The following PCNX2 variants were observed in gnomAD, a reference collection of about 807,000 sequenced individuals.
PCNX2 encodes pecanex-like protein 2.
A neutral mutation model predicts 223.8 loss-of-function variants in PCNX2; 168 were observed. That is an observed-to-expected ratio of 0.75 (90% CI 0.66 to 0.85). The LOEUF (loss-of-function observed/expected upper bound fraction) is 0.85, where lower values mean the gene tolerates loss of function less well. Among genes scored for constraint, PCNX2 ranks in the 40% least tolerant of loss-of-function variants. The pLI, the probability that PCNX2 is intolerant of heterozygous loss-of-function variation, is 0.00. For synonymous variants in PCNX2, 1,006 were observed against 1,052.6 expected, an observed-to-expected ratio of 0.96 and a Z score of 0.86; for missense variants, 2,507 against 2,675.5, an observed-to-expected ratio of 0.94 and a Z score of 1.39.
rs1282424546 is a variant in PCNX2, at chr1:233,295,307, C to CCGGA, written c.153+15_153+18dup. 14 of 1,571,582 alleles carry CCGGA rather than the reference C, an allele frequency of 8.9e-6. No homozygotes were observed. Among genetic ancestry groups the CCGGA allele is most frequent in the Non-Finnish European group, 1.2e-5 (14 of 1,158,340 alleles). On this transcript the variant is annotated intron_variant, in intron 1 of 33. Transcript: ENST00000258229. This position sits in a 1 kb window ranked among gnomAD's most constrained non-coding sequence, Gnocchi z 4.1. ...CCTCCATACCCACAGCTCCCCGGGA[C>CCGGA]CGGACCCTCCCCACTCACCAGGTGC... is the stretch of plus-strand genomic sequence containing the variant.
At chr1:233,075,630 T>C (rs1257704891) in intron 23 of PCNX2, among the ~76,000 whole-genome samples, 3 of 151,616 alleles carry the variant, frequency 2.0e-5, no homozygotes, top group African/African-American at 7.3e-5. Flanking sequence ...GGGAAACTGG[T>C]AAAGAATACA....
At chr1:233,318,990 C>A in the PCNX2 span, among the ~76,000 whole-genome samples, 1 of 152,132 alleles carries the variant, frequency 6.6e-6, no homozygotes, top group Non-Finnish European at 1.5e-5. Flanking sequence ...CACTGAATGT[C>A]CTGTGACCAG....
At chr1:232,985,133 A>G (rs1669423457) in intron 33 of PCNX2, 1 of 152,230 alleles carries the variant, frequency 6.6e-6, no homozygotes, top group South Asian at 2.1e-4. Flanking sequence ...AGGAAAGCCC[A>G]TAAATCTCCC....
At chr1:233,007,295 TC>T (rs1670317956) in intron 28 of PCNX2, among the ~76,000 whole-genome samples, 3 of 151,852 alleles carry the variant, frequency 2.0e-5, no homozygotes, top group African/African-American at 7.3e-5. Flanking sequence ...CTAAGCGCTT[TC>T]CATTCCATAG....
At chr1:233,107,993 C>T (rs1674895533) in intron 21 of PCNX2, among the ~76,000 whole-genome samples, 1 of 152,214 alleles carries the variant, frequency 6.6e-6, no homozygotes, top group African/African-American at 2.4e-5. Context: ...CTCACTGCTA[C>T]ACTCCCACCA....
intron 25 of PCNX2, among the ~76,000 whole-genome samples, chr1:233,053,463 A>G (rs986132718): frequency 6.6e-6 from 1 of 152,106 alleles, no homozygotes; most frequent in Non-Finnish European, 1.5e-5. Context: ...ACCTGCTCCA[A>G]GCTATAATAA....
Position 233,174,613 on chromosome 1 carries a change from C to T in PCNX2, c.3273+3189G>A, listed in dbSNP as rs533726400. 4.6e-5 allele frequency among the ~76,000 whole-genome samples: 7 copies of T among 151,924 alleles called. No individual in the cohort carries two copies. In the South Asian group the frequency reaches 1.4e-3, roughly 31 times the overall value. ...TTATAACCAATGATTTAGGAAAAGA[C>T]TGTTTGAATTTTACACATAAGAATT... On this transcript the variant is annotated intron_variant, in intron 17 of 33. Coordinates refer to ENST00000258229, the MANE Select transcript of PCNX2 (RefSeq NM_014801.4).
At chr1:233,153,912 A>C (rs190082808) in intron 19 of PCNX2, among the ~76,000 whole-genome samples, 1 of 152,320 alleles carries the variant, frequency 6.6e-6, no homozygotes, top group East Asian at 1.9e-4. Flanking sequence ...CATGTGCATC[A>C]CATAGAAACT....
the PCNX2 span, among the ~76,000 whole-genome samples, chr1:233,309,948 A>G: frequency 6.6e-6 from 1 of 152,160 alleles, no homozygotes; most frequent in African/African-American, 2.4e-5. Flanking sequence ...GAAGGATTCA[A>G]TTCTCCTTTT....
chr1:233,321,368 G>T, the PCNX2 span, among the ~76,000 whole-genome samples: 1 of 152,054 alleles, frequency 6.6e-6, no homozygotes, highest in East Asian at 1.9e-4. Context: ...CATGATCTCG[G>T]CCCACTGCAA....
chr1:233,074,731 G>C (rs1673018902), intron 23 of PCNX2, among the ~76,000 whole-genome samples: 1 of 149,442 alleles, frequency 6.7e-6, no homozygotes, highest in Non-Finnish European at 1.5e-5. Flanking sequence ...TTCAACAGTA[G>C]AAAAAAAGTC....
At chr1:233,240,097 T>C (rs1177911188) in intron 8 of PCNX2, among the ~76,000 whole-genome samples, 1 of 152,134 alleles carries the variant, frequency 6.6e-6, no homozygotes. Context: ...CAGGAGGAAA[T>C]GGTTACATGC....
At chr1:233,260,477 C>T (rs1194826799) in intron 4 of PCNX2, among the ~76,000 whole-genome samples, 1 of 151,956 alleles carries the variant, frequency 6.6e-6, no homozygotes, top group African/African-American at 2.4e-5. Context: ...TGAAGCTGTA[C>T]GTGCAACTAA....
At chr1:232,989,972 A>C (rs759356493) in intron 32 of PCNX2, among the ~76,000 whole-genome samples, 1 of 152,222 alleles carries the variant, frequency 6.6e-6, no homozygotes, top group Non-Finnish European at 1.5e-5. Flanking sequence ...AAGATCTGGG[A>C]TCAGGGAATG....
intron 21 of PCNX2, among the ~76,000 whole-genome samples, chr1:233,119,551 C>G (rs1362925812): frequency 6.7e-6 from 1 of 148,824 alleles, no homozygotes; most frequent in Non-Finnish European, 1.5e-5. Flanking sequence ...CGCCACTGCA[C>G]TCCAGCCTGG....
intron 23 of PCNX2, among the ~76,000 whole-genome samples, chr1:233,077,232 G>A (rs1379839651): frequency 1.3e-5 from 2 of 152,108 alleles, no homozygotes; most frequent in Non-Finnish European, 2.9e-5. Context: ...TTTGGTGGGG[G>A]GAAGGAATAG....
chr1:233,225,180 T>C lies in PCNX2; in HGVS notation c.2504+2046A>G, dbSNP rs1184657770. The stretch of plus-strand genomic sequence containing the variant: ...AACTAACAGTCTAAATTTTAGTGTC[T>C]GGATTTGACAACATCTACTTTGGCT... On this transcript the variant is annotated intron_variant, in intron 10 of 33. Coordinates refer to ENST00000258229, the MANE Select transcript of PCNX2 (RefSeq NM_014801.4). Among the ~76,000 whole-genome samples, 4 of 151,180 alleles carry C rather than the reference T, an allele frequency of 2.6e-5. No individual in the cohort carries two copies. The South Asian group carries it at 8.4e-4, about 32-fold the overall frequency.
intron 15 of PCNX2, among the ~76,000 whole-genome samples, chr1:233,198,672 CT>C (rs1184785899): frequency 1.3e-5 from 2 of 152,156 alleles, no homozygotes; most frequent in Admixed American, 1.3e-4. Context: ...GCAGCAGCCC[CT>C]CCCACTGTCA....
chr1:233,179,451 T>C (rs921996019), intron 15 of PCNX2, among the ~76,000 whole-genome samples: 4 of 152,346 alleles, frequency 2.6e-5, no homozygotes, highest in East Asian at 1.9e-4. Flanking sequence ...GAATGTTCTA[T>C]AGAATGTAAT....
Sources: allele counts gnomAD v4.1 joint callset (sites outside exome capture counted in the v4.1 genomes callset), GRCh38; gene constraint gnomAD v4.1.1; non-coding constraint Gnocchi (gnomAD v3.1); transcripts MANE v1.5; gene names NCBI Gene and HGNC (gene_info 2026-07-23, HGNC 2026-07-21).